The following PRKN variants were observed in gnomAD, a reference collection of about 807,000 sequenced individuals.
PRKN encodes parkin RBR E3 ubiquitin protein ligase.
Under a neutral mutation model 59.5 loss-of-function variants are expected in PRKN, and 56 were observed. That is an observed-to-expected ratio of 0.94 (90% CI 0.76 to 1.18). The LOEUF is 1.18. Among genes scored for constraint, PRKN ranks in the 50% most tolerant of loss-of-function variants. The probability of loss-of-function intolerance (pLI) is 0.00; values close to 1 mark genes in which losing one functional copy is unlikely to be tolerated. For synonymous variants in PRKN, 250 were observed against 222.1 expected (o/e 1.13, Z -1.12); for missense variants, 657 against 596.4 (o/e 1.10, Z -1.06).
At chr6:162,061,341 C>G (rs1260038785) in intron 4 of PRKN, among the ~76,000 whole-genome samples, 1 of 152,158 alleles carries the variant, frequency 6.6e-6, no homozygotes, top group African/African-American at 2.4e-5. Flanking sequence ...GCAACTGTTA[C>G]AAGTATTATT....
rs1782532936 is a variant in PRKN, at chr6:162,618,733, CT to C, written c.7+108928del. Among the ~76,000 whole-genome samples the C allele has an allele frequency of 2.0e-5, 3 of 152,304 alleles. No individual in the cohort carries two copies. In the South Asian group the frequency reaches 6.2e-4, roughly 32 times the overall value. On this transcript the variant is annotated intron_variant, in intron 1 of 11. Coordinates refer to ENST00000366898, the MANE Select transcript of PRKN (RefSeq NM_004562.3). Reference sequence around the variant, plus strand: ...TATTTCCAGTGTCCTAACAGATGGGCTTTACTGCCTTGAAACTCCCCCCCAA... The same window carrying C: ...TATTTCCAGTGTCCTAACAGATGGGCTTACTGCCTTGAAACTCCCCCCCAA...
At chr6:161,430,053 A>ACATGG (rs1299395205) in intron 9 of PRKN, among the ~76,000 whole-genome samples, 2 of 152,182 alleles carry the variant, frequency 1.3e-5, no homozygotes, top group Admixed American at 1.3e-4. Context: ...TGGCAGCTGC[A>ACATGG]CATGGCATGG....
At chr6:161,813,334 G>C (rs927252152) in intron 6 of PRKN, among the ~76,000 whole-genome samples, 1 of 152,116 alleles carries the variant, frequency 6.6e-6, no homozygotes, top group Admixed American at 6.5e-5. Flanking sequence ...ACCACAGGAG[G>C]GGATGTCCCC....
At chr6:162,662,266 CTT>C (rs765923082) in intron 1 of PRKN, among the ~76,000 whole-genome samples, 153 of 137,708 alleles carry the variant, frequency 1.1e-3, no homozygotes, top group African/African-American at 3.9e-3. Flanking sequence ...AATGAGGTTA[CTT>C]TTTTTTTTTT....
intron 9 of PRKN, among the ~76,000 whole-genome samples, chr6:161,476,613 A>T (rs56046714): frequency 1.3e-3 from 197 of 152,360 alleles, no homozygotes; most frequent in African/African-American, 4.5e-3. Context: ...GGCCATTAAA[A>T]ATGGCTCCCA....
At chr6:161,653,053 A>C (rs904432035) in intron 7 of PRKN, among the ~76,000 whole-genome samples, 2 of 152,242 alleles carry the variant, frequency 1.3e-5, no homozygotes, top group Non-Finnish European at 2.9e-5. Flanking sequence ...CTGATTCTTT[A>C]GAAGTATGTG....
chr6:162,228,490 T>C (rs1251590745), intron 3 of PRKN, among the ~76,000 whole-genome samples: 2 of 152,116 alleles, frequency 1.3e-5, no homozygotes, highest in Non-Finnish European at 2.9e-5. Flanking sequence ...GAATGCTCAT[T>C]TAAAATTTGA....
chr6:162,538,321 T>G (rs1778798956), intron 1 of PRKN, among the ~76,000 whole-genome samples: 1 of 152,050 alleles, frequency 6.6e-6, no homozygotes, highest in Non-Finnish European at 1.5e-5. Context: ...AGCTTGAACC[T>G]GGGATGAGGA....
intron 6 of PRKN, among the ~76,000 whole-genome samples, chr6:161,857,535 C>G (rs186417980): frequency 2.0e-5 from 3 of 152,226 alleles, no homozygotes; most frequent in Admixed American, 6.5e-5. Context: ...TTTTAAATGG[C>G]CCACATTTTC....
intron 6 of PRKN, among the ~76,000 whole-genome samples, chr6:161,803,877 C>T (rs1012552533): frequency 1.3e-5 from 2 of 152,154 alleles, no homozygotes; most frequent in African/African-American, 2.4e-5. Flanking sequence ...CGAACCCCCA[C>T]CAAAGTGAGA....
At chr6:161,861,355 C>T (rs1478951706) in intron 6 of PRKN, among the ~76,000 whole-genome samples, 2 of 152,100 alleles carry the variant, frequency 1.3e-5, no homozygotes, top group Non-Finnish European at 2.9e-5. Context: ...TGTTCTCACT[C>T]ATAAATGGGA....
intron 5 of PRKN, among the ~76,000 whole-genome samples, chr6:162,052,763 T>C (rs1177360182): frequency 6.6e-6 from 1 of 152,150 alleles, no homozygotes; most frequent in Non-Finnish European, 1.5e-5. Context: ...TATACATACA[T>C]AGAATGTTGA....
intron 7 of PRKN, among the ~76,000 whole-genome samples, chr6:161,771,380 AATAAAATAAAAT>A (rs1789684027): frequency 1.4e-5 from 2 of 140,998 alleles, no homozygotes; most frequent in Non-Finnish European, 3.0e-5. Flanking sequence ...AATAAAATAA[AATAAAATAAAAT>A]AAAATAAAAG....
chr6:162,019,980 T>C (rs1000530219), intron 5 of PRKN, among the ~76,000 whole-genome samples: 12 of 151,626 alleles, frequency 7.9e-5, no homozygotes, highest in South Asian at 2.1e-4. Flanking sequence ...GATTGTGACA[T>C]TGCACTCCAG....
intron 4 of PRKN, among the ~76,000 whole-genome samples, chr6:162,194,752 T>A (rs1191671076): frequency 6.6e-6 from 1 of 152,168 alleles, no homozygotes; most frequent in Non-Finnish European, 1.5e-5. Flanking sequence ...TACCTTAACC[T>A]GGCTCTTTTG....
At position 161,355,989 on chromosome 6, in the gene PRKN, C is replaced by G. The variant is rs1031861683; in HGVS notation, c.1285+4099G>C. 6.6e-6 allele frequency among the ~76,000 whole-genome samples: 1 copy of G among 152,164 alleles called. No individual in the cohort carries two copies. The highest frequency in any genetic ancestry group is 1.5e-5 in the Non-Finnish European group (1 of 68,022). ...GAGGAGAAGCCCAGCTCGGGCACAG[C>G]CTAAGAGGCCTGAGCTGACGTCCAG... On this transcript the variant is annotated intron_variant, in intron 11 of 11. Coordinates refer to ENST00000366898, the MANE Select transcript of PRKN (RefSeq NM_004562.3). This position sits in a 1 kb window ranked among gnomAD's most constrained non-coding sequence, Gnocchi z 6.8.
At chr6:161,895,717 C>T (rs144144082) in intron 6 of PRKN, among the ~76,000 whole-genome samples, 3,038 of 146,000 alleles carry the variant, frequency 0.021, 109 homozygotes, top group African/African-American at 0.078. Flanking sequence ...TTCAGGAGCA[C>T]GCCCACCCCA....
intron 2 of PRKN, among the ~76,000 whole-genome samples, chr6:162,359,469 A>T (rs1366209392): frequency 6.6e-6 from 1 of 152,052 alleles, no homozygotes; most frequent in African/African-American, 2.4e-5. Flanking sequence ...TTAACCAATA[A>T]TCTTTTTTAC....
intron 6 of PRKN, among the ~76,000 whole-genome samples, chr6:161,854,998 CCT>C (rs1032239624): frequency 6.7e-6 from 1 of 150,316 alleles, no homozygotes; most frequent in Non-Finnish European, 1.5e-5. Flanking sequence ...CAGGAGAATT[CCT>C]TGAACCCAGG....
Sources: allele counts gnomAD v4.1 joint callset (sites outside exome capture counted in the v4.1 genomes callset), GRCh38; gene constraint gnomAD v4.1.1; non-coding constraint Gnocchi (gnomAD v3.1); transcripts MANE v1.5; gene names NCBI Gene and HGNC (gene_info 2026-07-23, HGNC 2026-07-21).